The following TFAP2A variants were observed in gnomAD, a reference collection of about 807,000 sequenced individuals.
The protein encoded by TFAP2A is transcription factor AP-2 alpha.
In TFAP2A, 7 loss-of-function variants were observed where a neutral mutation model predicts 41.5. The observed-to-expected ratio is 0.17, with a 90% CI of 0.10 to 0.32. The LOEUF (loss-of-function observed/expected upper bound fraction) is 0.32. TFAP2A is among the 10% of genes least tolerant of loss of function. The pLI is 1.00. For synonymous variants in TFAP2A, 247 were observed against 242.8 expected (o/e 1.02, Z -0.16); for missense variants, 416 against 563.3 (o/e 0.74, Z 2.65).
At chr6:10,407,751 T>A (rs1318197494) in intron 2 of TFAP2A, 3 of 152,230 alleles carry the variant, frequency 2.0e-5, no homozygotes, top group Admixed American at 6.5e-5. Context: ...TAATACTGAT[T>A]CGAACATTTT....
At chr6:10,407,331 C>T (rs1282839483) in intron 2 of TFAP2A, 1 of 161,796 alleles carries the variant, frequency 6.2e-6, no homozygotes, top group Non-Finnish European at 1.4e-5. Flanking sequence ...AAAGAGCAAA[C>T]ACACACACCT....
At chr6:10,401,565 T>C (rs1762007630) in intron 5 of TFAP2A, among the ~76,000 whole-genome samples, 2 of 152,256 alleles carry the variant, frequency 1.3e-5, no homozygotes, top group South Asian at 4.1e-4. Flanking sequence ...GAACTTAAAT[T>C]CAATTGTAAT....
intron 3 of TFAP2A, chr6:10,406,285 AG>A (rs1314727219): frequency 6.4e-6 from 1 of 156,484 alleles, no homozygotes; most frequent in Non-Finnish European, 1.4e-5. Flanking sequence ...TTTAACCAAA[AG>A]CTAAAATTTT....
At chr6:10,414,692 A>G (rs1368675048) in intron 1 of TFAP2A, 2 of 621,440 alleles carry the variant, frequency 3.2e-6, no homozygotes, top group Admixed American at 5.2e-5. Flanking sequence ...CACAGCCAAA[A>G]TTGGTCAGAA....
upstream of TFAP2A, among the ~76,000 whole-genome samples, chr6:10,419,029 C>A (rs929806645): frequency 6.6e-6 from 1 of 152,146 alleles, no homozygotes; most frequent in South Asian, 2.1e-4. Context: ...CCTTCACCGC[C>A]GCGCACCACA....
At chr6:10,413,264 CCTCT>C (rs895421052) in intron 1 of TFAP2A, among the ~76,000 whole-genome samples, 14 of 152,098 alleles carry the variant, frequency 9.2e-5, no homozygotes, top group African/African-American at 2.7e-4. Flanking sequence ...ACTTTATTCT[CCTCT>C]CTCTCTCATC....
intron 1 of TFAP2A, among the ~76,000 whole-genome samples, chr6:10,413,207 C>T (rs1042946801): frequency 6.6e-6 from 1 of 152,258 alleles, no homozygotes; most frequent in African/African-American, 2.4e-5. Flanking sequence ...CCGAAATCCC[C>T]GCTCCGGCGC....
chr6:10,411,456 G>C (rs913271555), intron 1 of TFAP2A: 8 of 1,581,536 alleles, frequency 5.1e-6, no homozygotes, highest in Middle Eastern at 1.8e-4. Context: ...AATGGAGAGG[G>C]TGTCCTGAAG....
intron 1 of TFAP2A, chr6:10,412,584 TA>T (rs1758039104): frequency 5.0e-6 from 1 of 201,790 alleles, no homozygotes; most frequent in South Asian, 5.2e-5. Context: ...CAATCAGACC[TA>T]AAAGGCTGGG....
rs1045420036 is a variant in TFAP2A, at chr6:10,406,568, C to T, written c.538+225G>A. On this transcript the variant is annotated intron_variant, in intron 3 of 6. Transcript: ENST00000379613. Reference sequence around the variant, plus strand: ...GTGTGTTTGTCCAAATATCATTAAACTAAATTAAATGGTCAAATCATGAGT... The same window carrying T: ...GTGTGTTTGTCCAAATATCATTAAATTAAATTAAATGGTCAAATCATGAGT... 60 of 575,852 alleles carry T rather than the reference C, an allele frequency of 1.0e-4. No individual in the cohort carries two copies. In the East Asian group the frequency reaches 1.7e-3, roughly 16 times the overall value. The allele number at this position is 575,852 out of a possible 1,614,324, so 35.7% of individuals were successfully genotyped here.
upstream of TFAP2A, chr6:10,415,343 G>A (rs1048691277): frequency 3.8e-5 from 45 of 1,177,246 alleles, 1 homozygote; most frequent in Non-Finnish European, 4.5e-5. Flanking sequence ...CCAATTGCTC[G>A]CCAGTACCAC....
chr6:10,413,768 T>C (rs780249655), intron 1 of TFAP2A, among the ~76,000 whole-genome samples: 6 of 151,858 alleles, frequency 4.0e-5, no homozygotes, highest in Non-Finnish European at 5.9e-5. Context: ...ATCGTTCACA[T>C]AAACCCAATT....
chr6:10,409,964 C>T lies in TFAP2A; in HGVS notation c.423G>A (p.Ala141=), dbSNP rs1411833729. The change falls in exon 2 of 7, where the codon GCG becomes GCA. Residue 141 remains alanine (A), a synonymous_variant. Transcript: ENST00000379613. ...AGAGGTCTCCGAGTCCTGAGCTGAG[C>T]GCGTGTGGGCCGTGCAGGAGGTCCT... ...RHEDLLHGPH[A]LSSGLGDLSI... 7.0e-6 allele frequency: 11 copies of T among 1,577,744 alleles called. No individual in the cohort carries two copies. The highest frequency in any genetic ancestry group is 3.3e-4 in the Middle Eastern group (2 of 6,030).
In TFAP2A at chr6:10,397,548, A is replaced by C. The variant is rs1362755113; in HGVS notation, c.*869T>G. 1 of 152,320 alleles carries C rather than the reference A, an allele frequency of 6.6e-6. No individual in the cohort carries two copies. Among genetic ancestry groups the C allele is most frequent in the Non-Finnish European group, 1.5e-5 (1 of 68,172 alleles). The allele number at this position is 152,320 out of a possible 1,614,324, so 9.4% of individuals were successfully genotyped here. On this transcript the variant is annotated 3_prime_UTR_variant, in exon 7 of 7. Transcript: ENST00000379613. ...ACAGGGCTAAATTCATGAATCCCAG[A>C]GAAAAAAATCCCCCAAACACTGGAT...
At chr6:10,411,326 C>T (rs1229601836) in intron 1 of TFAP2A, among the ~76,000 whole-genome samples, 1 of 151,820 alleles carries the variant, frequency 6.6e-6, no homozygotes, top group Non-Finnish European at 1.5e-5. Flanking sequence ...CTTGGGAAGC[C>T]GCGGCGAGGT....
At chr6:10,402,262 T>G (rs1402404222) in intron 5 of TFAP2A, 2 of 616,950 alleles carry the variant, frequency 3.2e-6, no homozygotes, top group Non-Finnish European at 6.2e-6. Context: ...AGAATTAGGC[T>G]GGGGAGGTGT....
chr6:10,411,928 G>A (rs1400789346), intron 1 of TFAP2A: 2 of 1,190,562 alleles, frequency 1.7e-6, no homozygotes, highest in South Asian at 1.9e-5. Context: ...GGGTGCGTGC[G>A]TGTTCCTTAA....
chr6:10,415,403 C>T (rs1758205687), upstream of TFAP2A: 1 of 569,104 alleles, frequency 1.8e-6, no homozygotes, highest in Non-Finnish European at 2.5e-6. Flanking sequence ...CTCTACGCCG[C>T]GAACTTGCTT....
rs1055552867 is a variant in TFAP2A at position 10,398,190 on chromosome 6, G to C, written c.*227C>G. 16 of 1,448,580 alleles carry C rather than the reference G, an allele frequency of 1.1e-5. No individual in the cohort carries two copies. The Admixed American group carries it at 3.8e-4, about 35-fold the overall frequency. The allele number at this position is 1,448,580 out of a possible 1,614,324, so 89.7% of individuals were successfully genotyped here. On this transcript the variant is annotated 3_prime_UTR_variant, in exon 7 of 7. Transcript: ENST00000379613. The surrounding 1 kb of genome is among the most constrained non-coding windows in gnomAD (Gnocchi z 5.3). ...AGGGCACAGGGGTGTGGGAGCGGGTGGGGAGGTCGAGGCGGGTGCAGAGTC... is the reference window on the plus strand; with the variant it reads ...AGGGCACAGGGGTGTGGGAGCGGGTCGGGAGGTCGAGGCGGGTGCAGAGTC...
Sources: allele counts gnomAD v4.1 joint callset (sites outside exome capture counted in the v4.1 genomes callset), GRCh38; gene constraint gnomAD v4.1.1; non-coding constraint Gnocchi (gnomAD v3.1); transcripts MANE v1.5; gene names NCBI Gene and HGNC (gene_info 2026-07-23, HGNC 2026-07-21).